Variants in BRF1 observed in about 807,000 individuals in gnomAD.
The protein encoded by BRF1 is transcription factor IIIB 90 kDa subunit.
BRF1 carries 59 observed loss-of-function variants against 81.7 expected under a neutral mutation model. The ratio of observed to expected loss-of-function variants is 0.72; its 90% CI spans 0.59 to 0.90. The LOEUF is 0.90. Ranked by LOEUF, BRF1 falls within the 40% of genes least tolerant of loss-of-function variation. The probability of loss-of-function intolerance (pLI) is 0.00; values close to 1 mark genes in which losing one functional copy is unlikely to be tolerated. For synonymous variants in BRF1, 491 were observed against 395.6 expected, an observed-to-expected ratio of 1.24 and a Z score of -2.86; for missense variants, 1,050 against 936.3, an observed-to-expected ratio of 1.12 and a Z score of -1.58.
chr14:105,314,392 G>C (rs2058455157), intron 1 of BRF1: 1 of 151,372 alleles, frequency 6.6e-6, no homozygotes, highest in Non-Finnish European at 1.5e-5. Flanking sequence ...TTAGGGGGCG[G>C]CGCCTGAAGC....
At chr14:105,216,864 G>A (rs1206526965) in intron 15 of BRF1, among the ~76,000 whole-genome samples, 1 of 152,180 alleles carries the variant, frequency 6.6e-6, no homozygotes, top group Non-Finnish European at 1.5e-5. Context: ...GGACCCAGAA[G>A]CTAAGCCGCC....
At chr14:105,248,506 C>T in intron 5 of BRF1, 1 of 977,814 alleles carries the variant, frequency 1.0e-6, no homozygotes, top group Non-Finnish European at 1.2e-6. Context: ...CGCGAGGCAG[C>T]GACGTCGCGC....
intron 1 of BRF1, among the ~76,000 whole-genome samples, chr14:105,306,087 G>A (rs913915716): frequency 1.3e-5 from 2 of 152,192 alleles, no homozygotes; most frequent in African/African-American, 4.8e-5. Flanking sequence ...AAGTAATGTA[G>A]GTGTTGCACT....
chr14:105,291,397 C>T lies in BRF1; in HGVS notation c.185-5021G>A, dbSNP rs180839494. Among the ~76,000 whole-genome samples, 482 of 152,326 alleles carry T rather than the reference C, an allele frequency of 3.2e-3. 12 individuals carry two copies. In the South Asian group the frequency reaches 0.048, roughly 15 times the overall value. On this transcript the variant is annotated intron_variant, in intron 1 of 17. Transcript: ENST00000547530. ...CGTGCTCATTCAACTTAACTGGGGG[C>T]GGGCTCAGTGGCTCATGACAGTAAT...
intron 5 of BRF1, chr14:105,248,569 T>TGGGG (rs1220722542): frequency 2.1e-4 from 112 of 542,776 alleles, no homozygotes; most frequent in Non-Finnish European, 2.4e-4. Context: ...GGGTACGGGC[T>TGGGG]CGGGCGGGCG....
chr14:105,248,786 G>C (rs2055344699), intron 5 of BRF1: 7 of 982,384 alleles, frequency 7.1e-6, no homozygotes, highest in Non-Finnish European at 8.4e-6. Flanking sequence ...TTGCAGAGCC[G>C]CTCCCGAGGC....
At position 105,315,263 on chromosome 14, in the gene BRF1, C is replaced by T. The variant is rs2058532174; in HGVS notation, c.-162+59G>A. Reference sequence around the variant, plus strand: ...GAGCACCGGGGGCCGCGCTCAGCTTCCGAGGACCCGGTGCTGCTCAGACCC... The same window carrying T: ...GAGCACCGGGGGCCGCGCTCAGCTTTCGAGGACCCGGTGCTGCTCAGACCC... On this transcript the variant is annotated intron_variant, in intron 1 of 17. Transcript: ENST00000327359. This position sits in a 1 kb window ranked among gnomAD's most constrained non-coding sequence, Gnocchi z 4.4. The T allele has an allele frequency of 6.0e-6, 1 of 165,576 alleles. No homozygotes were observed. The highest frequency in any genetic ancestry group is 1.3e-5 in the Non-Finnish European group (1 of 78,570). The allele number at this position is 165,576 out of a possible 1,614,324, so 10.3% of individuals were successfully genotyped here.
chr14:105,215,493 G>C (rs917251636), intron 15 of BRF1, among the ~76,000 whole-genome samples: 1 of 150,304 alleles, frequency 6.7e-6, no homozygotes, highest in Admixed American at 6.6e-5. Flanking sequence ...CACGTACTGA[G>C]TGCACCAACG....
At chr14:105,253,281 C>T (rs2055705491) in intron 4 of BRF1, among the ~76,000 whole-genome samples, 1 of 152,200 alleles carries the variant, frequency 6.6e-6, no homozygotes, top group Non-Finnish European at 1.5e-5. Flanking sequence ...GGGGAGGACA[C>T]TTCAGAGCAA....
At chr14:105,242,689 C>A (rs768699674) in intron 5 of BRF1, 4 of 128,266 alleles carry the variant, frequency 3.1e-5, no homozygotes, top group Non-Finnish European at 4.6e-5. Flanking sequence ...GAGCTGAGAT[C>A]GCAGCATTGC....
At position 105,259,845 on chromosome 14, in the gene BRF1, G is replaced by A. The variant is rs587681403; in HGVS notation, c.440-3296C>T. Among the ~76,000 whole-genome samples the A allele has an allele frequency of 2.0e-5, 3 of 152,322 alleles. No homozygotes were observed. In the South Asian group the frequency reaches 6.2e-4, roughly 32 times the overall value. ...GAATCGCTTGAACCCAGGAGACAGAGGTTGCAGTAAGCTGAGATGGAACCA... is the reference window on the plus strand; with the variant it reads ...GAATCGCTTGAACCCAGGAGACAGAAGTTGCAGTAAGCTGAGATGGAACCA... On this transcript the variant is annotated intron_variant, in intron 3 of 17. Transcript: ENST00000547530.
At chr14:105,250,823 C>T in intron 5 of BRF1, 1 of 830,260 alleles carries the variant, frequency 1.2e-6, no homozygotes, top group Non-Finnish European at 1.9e-6. Context: ...ACATTTTCCA[C>T]ACAGCCAGAA....
intron 1 of BRF1, among the ~76,000 whole-genome samples, chr14:105,310,776 A>C (rs905899596): frequency 6.6e-6 from 1 of 152,186 alleles, no homozygotes; most frequent in Non-Finnish European, 1.5e-5. Context: ...ATAGGAGATA[A>C]AGATAAGCAA....
chr14:105,244,397 C>T (rs1483175487), intron 5 of BRF1, among the ~76,000 whole-genome samples: 1 of 152,124 alleles, frequency 6.6e-6, no homozygotes, highest in Non-Finnish European at 1.5e-5. Context: ...TGAGCCATGA[C>T]CTTGCCACTG....
intron 5 of BRF1, chr14:105,250,271 T>C: frequency 1.9e-6 from 3 of 1,613,068 alleles, no homozygotes; most frequent in Non-Finnish European, 2.5e-6. Context: ...CCAGTGGCGG[T>C]ACCGCGGGCG....
chr14:105,227,869 C>T (rs2054106996), intron 7 of BRF1: 1 of 152,232 alleles, frequency 6.6e-6, no homozygotes, highest in South Asian at 2.1e-4. Flanking sequence ...AGGACACAAT[C>T]TCAGCTGAAA....
chr14:105,226,495 G>A (rs896729283), intron 8 of BRF1, 139 bp downstream of exon 8: 11 of 1,504,830 alleles, frequency 7.3e-6, no homozygotes, highest in African/African-American at 7.0e-5. Flanking sequence ...GGAGCCTCGG[G>A]CTCTGGCTGG....
chr14:105,214,034 T>C (rs1413358853), intron 15 of BRF1, among the ~76,000 whole-genome samples: 49 of 152,186 alleles, frequency 3.2e-4, no homozygotes. Flanking sequence ...GGCCTGAGGA[T>C]GTGGGGCGCT....
At chr14:105,263,844 G>C (rs1336691906) in intron 3 of BRF1, among the ~76,000 whole-genome samples, 1 of 151,458 alleles carries the variant, frequency 6.6e-6, no homozygotes, top group Non-Finnish European at 1.5e-5. Context: ...AGAATGGCAT[G>C]AACCTGGGAG....
Sources: gnomAD v4.1 joint callset for allele counts (sites outside exome capture counted in the v4.1 genomes callset) on GRCh38, gnomAD v4.1.1 for gene constraint, Gnocchi (gnomAD v3.1) non-coding constraint, MANE v1.5 for transcripts, NCBI Gene and HGNC (gene_info 2026-07-23, HGNC 2026-07-21) for gene names.